Variants in CAP2 observed in about 807,000 individuals in gnomAD.
CAP2 encodes the protein cyclase associated actin cytoskeleton regulatory protein 2.
CAP2 carries 24 observed loss-of-function variants against 57.7 expected under a neutral mutation model. That is an observed-to-expected ratio of 0.42 (90% CI 0.30 to 0.58). The LOEUF is 0.58. Among genes scored for constraint, CAP2 ranks in the 20% least tolerant of loss-of-function variants. CAP2 has a pLI of 0.22. For synonymous variants in CAP2, 194 were observed against 207.2 expected (o/e 0.94, Z 0.55); for missense variants, 501 against 590.3 (o/e 0.85, Z 1.57).
At chr6:17,438,599 C>T (rs1422373770) in intron 3 of CAP2, among the ~76,000 whole-genome samples, 9 of 145,174 alleles carry the variant, frequency 6.2e-5, no homozygotes, top group Admixed American at 2.7e-4. Context: ...CAACCACGTC[C>T]AGCTAATTTT....
intron 3 of CAP2, among the ~76,000 whole-genome samples, chr6:17,461,975 A>C (rs192804137): frequency 2.4e-5 from 3 of 127,096 alleles, no homozygotes; most frequent in Non-Finnish European, 4.8e-5. Flanking sequence ...CCTGGGCAAC[A>C]GGGCGAGACT....
chr6:17,405,498 GTCTCTCTCTCTCTCTCTC>G (rs57158664), intron 1 of CAP2, among the ~76,000 whole-genome samples: 20 of 148,412 alleles, frequency 1.3e-4, no homozygotes, highest in African/African-American at 4.7e-4. Context: ...TGAATGTGGA[GTCTCTCTCTCTCTCTCTC>G]TCTCTCTCTC....
At chr6:17,502,717 A>G (rs1214078754) in intron 4 of CAP2, among the ~76,000 whole-genome samples, 1 of 152,200 alleles carries the variant, frequency 6.6e-6, no homozygotes, top group African/African-American at 2.4e-5. Flanking sequence ...TTATAAATAT[A>G]CAGTTTCTGG....
At chr6:17,480,752 G>T (rs909691734) in intron 4 of CAP2, among the ~76,000 whole-genome samples, 2 of 150,946 alleles carry the variant, frequency 1.3e-5, no homozygotes, top group Non-Finnish European at 2.9e-5. Context: ...AGATGACTTG[G>T]TGCTAAATGT....
At chr6:17,482,267 C>G (rs1293178883) in intron 4 of CAP2, among the ~76,000 whole-genome samples, 1 of 152,102 alleles carries the variant, frequency 6.6e-6, no homozygotes, top group Non-Finnish European at 1.5e-5. Context: ...TGGCTCACGC[C>G]TGTAATCCCA....
At chr6:17,552,870 G>T (rs975605618) in intron 12 of CAP2, among the ~76,000 whole-genome samples, 1 of 152,118 alleles carries the variant, frequency 6.6e-6, no homozygotes, top group Non-Finnish European at 1.5e-5. Context: ...CTGGCAGTAA[G>T]TTCGTCAGCT....
chr6:17,449,369 C>A (rs1287493383), intron 3 of CAP2, among the ~76,000 whole-genome samples: 2 of 151,998 alleles, frequency 1.3e-5, no homozygotes, highest in Non-Finnish European at 2.9e-5. Context: ...CTATTGTAAA[C>A]CAAATTGCAG....
intron 1 of CAP2, among the ~76,000 whole-genome samples, chr6:17,420,163 C>A (rs1326377120): frequency 6.6e-6 from 1 of 152,190 alleles, no homozygotes; most frequent in Non-Finnish European, 1.5e-5. Context: ...AGCCACCGCA[C>A]CCAGTCACCC....
At chr6:17,540,447 T>C (rs1480472349) in intron 8 of CAP2, among the ~76,000 whole-genome samples, 1 of 134,696 alleles carries the variant, frequency 7.4e-6, no homozygotes, top group Non-Finnish European at 1.6e-5. Context: ...TTCCTCAAAT[T>C]AAAAAAAAAA....
chr6:17,505,292 G>C (rs1468971176), intron 4 of CAP2, among the ~76,000 whole-genome samples: 1 of 152,152 alleles, frequency 6.6e-6, no homozygotes, highest in East Asian at 1.9e-4. Context: ...GGTATATAAA[G>C]GGGTTTAGAA....
At chr6:17,460,979 C>T (rs1400267514) in intron 3 of CAP2, among the ~76,000 whole-genome samples, 1 of 152,078 alleles carries the variant, frequency 6.6e-6, no homozygotes, top group Non-Finnish European at 1.5e-5. Context: ...AAGAACTTAC[C>T]TCTACTAAAA....
intron 7 of CAP2, among the ~76,000 whole-genome samples, chr6:17,516,044 A>G (rs1436811477): frequency 6.6e-6 from 1 of 152,198 alleles, no homozygotes; most frequent in African/African-American, 2.4e-5. Context: ...ATCCTGCTGT[A>G]TAACCTAATT....
chr6:17,541,340 G>C (rs999281109), intron 9 of CAP2, among the ~76,000 whole-genome samples, 192 bp downstream of exon 9: 2 of 152,092 alleles, frequency 1.3e-5, no homozygotes, highest in African/African-American at 4.8e-5. Flanking sequence ...GGCACTTTGG[G>C]GGTTTGAGGT....
intron 4 of CAP2, among the ~76,000 whole-genome samples, chr6:17,503,680 C>G (rs1453805873): frequency 1.3e-5 from 2 of 149,966 alleles, no homozygotes; most frequent in African/African-American, 4.9e-5. Flanking sequence ...TTAATTTAAT[C>G]ATTTCTTTAA....
At chr6:17,555,030 T>G (rs1465022440) in intron 12 of CAP2, among the ~76,000 whole-genome samples, 1 of 152,204 alleles carries the variant, frequency 6.6e-6, no homozygotes, top group Non-Finnish European at 1.5e-5. Context: ...TTACAATTTA[T>G]CAAAGAGTAG....
intron 7 of CAP2, chr6:17,531,022 A>C (rs9477473): frequency 0.079 from 77,605 of 977,914 alleles, 4,588 homozygotes; most frequent in African/African-American, 0.27. Context: ...GGCCACAGGA[A>C]GTTATTTGCT....
At chr6:17,424,384 A>G (rs1446491481) in intron 2 of CAP2, among the ~76,000 whole-genome samples, 1 of 152,228 alleles carries the variant, frequency 6.6e-6, no homozygotes, top group African/African-American at 2.4e-5. Flanking sequence ...TGGGCGACAC[A>G]GAGCAAGACT....
chr6:17,515,332 C>G (rs1762251963), intron 7 of CAP2, among the ~76,000 whole-genome samples: 1 of 152,152 alleles, frequency 6.6e-6, no homozygotes, highest in African/African-American at 2.4e-5. Flanking sequence ...CTAGAGACCA[C>G]TATCCTAAGC....
intron 7 of CAP2, among the ~76,000 whole-genome samples, chr6:17,519,770 A>T (rs916619717): frequency 3.3e-5 from 5 of 152,226 alleles, no homozygotes; most frequent in Non-Finnish European, 5.9e-5. Context: ...GAAATAATTG[A>T]CTTTTTTCCT....
Sources: allele counts gnomAD v4.1 joint callset (sites outside exome capture counted in the v4.1 genomes callset), GRCh38; gene constraint gnomAD v4.1.1; transcripts MANE v1.5; gene names NCBI Gene and HGNC (gene_info 2026-07-23, HGNC 2026-07-21).